DPY30: variants seen among roughly 807,000 people sequenced by gnomAD.
DPY30 encodes dpy-30 histone methyltransferase complex regulatory subunit, also known as protein dpy-30 homolog.
In DPY30, 6 loss-of-function variants were observed where a neutral mutation model predicts 16.2. That is an observed-to-expected ratio of 0.37 (90% confidence interval 0.20 to 0.73). DPY30 has a LOEUF of 0.73. DPY30 is among the 30% of genes least tolerant of loss of function. The probability of loss-of-function intolerance (pLI) is 0.51; values close to 1 mark genes in which losing one functional copy is unlikely to be tolerated. For synonymous variants in DPY30, 39 were observed against 38.8 expected (o/e 1.00, Z -0.02); for missense variants, 73 against 113.1 (o/e 0.65, Z 1.61).
intron 3 of DPY30, among the ~76,000 whole-genome samples, chr2:32,035,204 G>A (rs187202866): frequency 6.6e-6 from 1 of 151,878 alleles, no homozygotes. Context: ...GATCACTTAA[G>A]ACCAGGAGTT....
intron 3 of DPY30, among the ~76,000 whole-genome samples, chr2:32,034,644 A>G (rs948764666): frequency 1.2e-4 from 18 of 152,214 alleles, no homozygotes; most frequent in African/African-American, 3.9e-4. Context: ...ACCAGGAGGA[A>G]CAATCCTTGC....
chr2:32,039,562 C>T (rs1573012191), intron 1 of DPY30, 70 bp from the exon 2 acceptor site: 2 of 1,494,336 alleles, frequency 1.3e-6, no homozygotes, highest in East Asian at 4.7e-5. Context: ...TGGAGTGCAG[C>T]CCAGCCCCCG....
intron 3 of DPY30, among the ~76,000 whole-genome samples, chr2:32,030,396 C>T (rs1675488529): frequency 6.6e-6 from 1 of 151,942 alleles, no homozygotes; most frequent in South Asian, 2.1e-4. Context: ...TTTGGGAGGC[C>T]GAGGCGGGCA....
chr2:32,024,680 T>C (rs1306071967), intron 4 of DPY30, among the ~76,000 whole-genome samples: 1 of 152,192 alleles, frequency 6.6e-6, no homozygotes, highest in East Asian at 1.9e-4. Context: ...ATGTGTAATA[T>C]TCTGTGTAAT....
chr2:32,029,455 A>G (rs1421525850), intron 4 of DPY30, 139 bp downstream of exon 4: 1 of 986,656 alleles, frequency 1.0e-6, no homozygotes, highest in Non-Finnish European at 1.5e-6. Flanking sequence ...TTATGAGATT[A>G]TGGCTGAATA....
intron 3 of DPY30, among the ~76,000 whole-genome samples, chr2:32,036,766 G>C (rs1675757697): frequency 6.6e-6 from 1 of 151,940 alleles, no homozygotes. Context: ...CTACTCGGGA[G>C]GCTGAGGCAG....
intron 3 of DPY30, among the ~76,000 whole-genome samples, chr2:32,035,100 C>T (rs1170470442): frequency 1.3e-5 from 2 of 150,208 alleles, no homozygotes; most frequent in Admixed American, 1.3e-4. Flanking sequence ...CAGAGCGAGA[C>T]TCCATTTAAA....
In DPY30 at chr2:32,029,585, T is replaced by C; in HGVS notation, c.227+9A>G. On this transcript the variant is annotated intron_variant, in intron 4 of 4. Coordinates refer to ENST00000342166, the MANE Select transcript of DPY30 (RefSeq NM_001321209.2). ...TTACTAACTCCATTTGTGGACACAA[T>C]TATCTTACCTTTCCTTTGCAAGCAC... The C allele has an allele frequency of 6.2e-7, 1 of 1,611,578 alleles. No homozygotes were observed. The highest frequency in any genetic ancestry group is 8.5e-7 in the Non-Finnish European group (1 of 1,179,408).
At chr2:32,039,595 G>C (rs758138914) in intron 1 of DPY30, 103 bp from the exon 2 acceptor site, 15 of 1,122,088 alleles carry the variant, frequency 1.3e-5, no homozygotes, top group Non-Finnish European at 1.8e-5. Flanking sequence ...ACCCCCACCT[G>C]GGCGCGGGAG....
intron 3 of DPY30, among the ~76,000 whole-genome samples, chr2:32,030,895 G>GA (rs1341866161): frequency 2.0e-5 from 3 of 151,984 alleles, no homozygotes; most frequent in Admixed American, 6.6e-5. Flanking sequence ...ATTATTAACA[G>GA]AAAAAATCAT....
chr2:32,012,149 C>T (rs1056267545), intron 5 of DPY30: 1 of 152,160 alleles, frequency 6.6e-6, no homozygotes, highest in African/African-American at 2.4e-5. Context: ...GTCTAGTATT[C>T]AAGTTTACTT....
chr2:32,023,211 T>A (rs1321730439), downstream of DPY30, among the ~76,000 whole-genome samples: 1 of 152,138 alleles, frequency 6.6e-6, no homozygotes, highest in Admixed American at 6.5e-5. Context: ...TAATCACTCA[T>A]ATTTGAGAAC....
At chr2:32,025,897 C>A (rs746832295) in intron 4 of DPY30, among the ~76,000 whole-genome samples, 1 of 151,576 alleles carries the variant, frequency 6.6e-6, no homozygotes, top group Non-Finnish European at 1.5e-5. Context: ...AGCTTGAGCC[C>A]AAGGGTTCAA....
chr2:32,016,481 T>G (rs1480075835), intron 5 of DPY30, among the ~76,000 whole-genome samples: 1 of 152,220 alleles, frequency 6.6e-6, no homozygotes, highest in African/African-American at 2.4e-5. Context: ...ATGCTCTTCC[T>G]AAAACGATTC....
rs745484215 is a variant in DPY30, at chr2:32,039,229, C to G, written c.84+50G>C. 9.9e-6 allele frequency: 16 copies of G among 1,613,226 alleles called. 1 individual carries two copies. In the South Asian group the frequency reaches 1.8e-4, roughly 18 times the overall value. On this transcript the variant is annotated intron_variant, in intron 3 of 4. Transcript: ENST00000342166. ...AGTAAAAGCAGATCCCAAGTTTTCT[C>G]CAGCTTGCAAGAGACAACACAGATG...
At chr2:32,032,108 A>G (rs1675565514) in intron 3 of DPY30, among the ~76,000 whole-genome samples, 1 of 152,176 alleles carries the variant, frequency 6.6e-6, no homozygotes, top group Admixed American at 6.6e-5. Flanking sequence ...TAATCACATT[A>G]TCTGTAACAT....
At chr2:32,027,549 G>T (rs1056773048) in intron 4 of DPY30, among the ~76,000 whole-genome samples, 1 of 140,124 alleles carries the variant, frequency 7.1e-6, no homozygotes, top group Non-Finnish European at 1.5e-5. Context: ...AAAAAAAAAA[G>T]AGTAGAATAA....
intron 3 of DPY30, among the ~76,000 whole-genome samples, chr2:32,031,514 T>C (rs1573000951): frequency 6.6e-6 from 1 of 152,052 alleles, no homozygotes; most frequent in Non-Finnish European, 1.5e-5. Flanking sequence ...CGAAAATCAC[T>C]TGTACCTGGG....
downstream of DPY30, among the ~76,000 whole-genome samples, chr2:32,020,103 C>T (rs1675148543): frequency 6.6e-6 from 1 of 151,754 alleles, no homozygotes; most frequent in Admixed American, 6.6e-5. Context: ...CCTGTAGTCC[C>T]ACCTGCTCAG....
Sources: gnomAD v4.1 joint callset for allele counts (sites outside exome capture counted in the v4.1 genomes callset) on GRCh38, gnomAD v4.1.1 for gene constraint, MANE v1.5 for transcripts, NCBI Gene and HGNC (gene_info 2026-07-23, HGNC 2026-07-21) for gene names.